Variants in WDR7 observed in about 807,000 individuals in gnomAD.
The protein encoded by WDR7 is WD repeat-containing protein 7.
In WDR7, 46 loss-of-function variants were observed where a neutral mutation model predicts 169.4. The observed-to-expected ratio is 0.27, with a 90% CI of 0.21 to 0.35. The LOEUF is 0.35. Ranked by LOEUF, WDR7 falls within the 10% of genes least tolerant of loss-of-function variation. The probability of loss-of-function intolerance (pLI) is 1.00; values close to 1 mark genes in which losing one functional copy is unlikely to be tolerated. For synonymous variants in WDR7, 612 were observed against 666.8 expected (o/e 0.92, Z 1.27); for missense variants, 1,534 against 1,859.3 (o/e 0.83, Z 3.22).
chr18:56,729,482 T>A (rs1054665316), intron 13 of WDR7, among the ~76,000 whole-genome samples: 3 of 152,126 alleles, frequency 2.0e-5, no homozygotes, highest in African/African-American at 7.2e-5. Context: ...CTTTATACTA[T>A]GAATACTCTT....
rs144720449 is a variant in WDR7 at position 56,816,264 on chromosome 18, G to A, written c.3304+120G>A. ...GAAAGGATGGAAACTTGTACTGATGGTGTATTTAGTTTTATGAAACTGTTC... is the reference window on the plus strand; with the variant it reads ...GAAAGGATGGAAACTTGTACTGATGATGTATTTAGTTTTATGAAACTGTTC... On this transcript the variant is annotated intron_variant, in intron 20 of 27. Transcript: ENST00000254442. 4.2e-4 allele frequency: 327 copies of A among 786,812 alleles called. 1 individual carries two copies. The African/African-American group carries it at 4.7e-3, about 11-fold the overall frequency. 48.7% of individuals were successfully genotyped at this position (786,812 alleles called of 1,614,324 possible).
chr18:56,770,159 TG>T (rs2044131008), intron 16 of WDR7, among the ~76,000 whole-genome samples: 1 of 152,226 alleles, frequency 6.6e-6, no homozygotes, highest in Non-Finnish European at 1.5e-5. Flanking sequence ...GACAAATCTC[TG>T]CCCTCAAGGT....
At chr18:56,731,017 T>G (rs938678049) in intron 13 of WDR7, among the ~76,000 whole-genome samples, 7 of 152,212 alleles carry the variant, frequency 4.6e-5, no homozygotes, top group African/African-American at 1.7e-4. Context: ...AAGATTGATA[T>G]ACAACTTAGA....
intron 14 of WDR7, among the ~76,000 whole-genome samples, chr18:56,735,650 G>A (rs776345326): frequency 1.3e-5 from 2 of 152,088 alleles, no homozygotes; most frequent in African/African-American, 4.8e-5. Context: ...AGCAACTGAT[G>A]CACCTAAAGA....
chr18:56,987,657 G>A (rs1043587410), intron 26 of WDR7, among the ~76,000 whole-genome samples: 1 of 152,048 alleles, frequency 6.6e-6, no homozygotes, highest in Non-Finnish European at 1.5e-5. Context: ...AAAGCATTTT[G>A]GTGCTATGAT....
At chr18:56,813,983 G>C (rs187841732) in intron 19 of WDR7, among the ~76,000 whole-genome samples, 1 of 152,266 alleles carries the variant, frequency 6.6e-6, no homozygotes, top group East Asian at 1.9e-4. Flanking sequence ...TGATTCTGTG[G>C]TTTCTCAAGG....
intron 19 of WDR7, among the ~76,000 whole-genome samples, chr18:56,797,548 A>G (rs923909596): frequency 6.6e-6 from 1 of 150,420 alleles, no homozygotes; most frequent in Non-Finnish European, 1.5e-5. Context: ...TAAAACAGGT[A>G]TAAATAGGAT....
chr18:56,805,542 G>A (rs1306777287), intron 19 of WDR7, among the ~76,000 whole-genome samples: 1 of 152,088 alleles, frequency 6.6e-6, no homozygotes, highest in African/African-American at 2.4e-5. Context: ...GATTATGATT[G>A]ACACTACATT....
chr18:57,006,838 G>T (rs920290222), intron 26 of WDR7, among the ~76,000 whole-genome samples: 5 of 152,026 alleles, frequency 3.3e-5, no homozygotes, highest in Admixed American at 2.6e-4. Flanking sequence ...TCATTAATTT[G>T]GTTAATTTTT....
At chr18:56,805,843 CCT>C (rs992387265) in intron 19 of WDR7, among the ~76,000 whole-genome samples, 33 of 152,062 alleles carry the variant, frequency 2.2e-4, no homozygotes, top group African/African-American at 7.5e-4. Context: ...CTGTTAGTAC[CCT>C]GTTTCTCATT....
intron 21 of WDR7, among the ~76,000 whole-genome samples, chr18:56,886,960 C>A (rs897448580): frequency 2.0e-5 from 3 of 152,084 alleles, no homozygotes; most frequent in African/African-American, 7.2e-5. Context: ...AACACTGGAG[C>A]TCCCAAATTT....
chr18:56,776,765 C>T lies in WDR7; in HGVS notation c.2849-17C>T. Reference sequence around the variant, plus strand: ...TTCAATTCTCTCCTCTTTACTTCTTCTCTTTTCCTCTGCAAGTTGCTGCAC... The same window carrying T: ...TTCAATTCTCTCCTCTTTACTTCTTTTCTTTTCCTCTGCAAGTTGCTGCAC... On this transcript the variant is annotated splice_polypyrimidine_tract_variant and intron_variant, in intron 16 of 27. Transcript: ENST00000254442. 1.9e-6 allele frequency: 3 copies of T among 1,610,848 alleles called. No homozygotes were observed. The highest frequency in any genetic ancestry group is 2.5e-6 in the Non-Finnish European group (3 of 1,177,200).
At chr18:56,829,402 C>T (rs2045270804) in intron 20 of WDR7, among the ~76,000 whole-genome samples, 1 of 152,028 alleles carries the variant, frequency 6.6e-6, no homozygotes, top group South Asian at 2.1e-4. Flanking sequence ...GCTGCAAAGT[C>T]CAGCACCCCC....
At chr18:56,905,989 A>G (rs1389967095) in intron 21 of WDR7, among the ~76,000 whole-genome samples, 1 of 152,220 alleles carries the variant, frequency 6.6e-6, no homozygotes, top group Non-Finnish European at 1.5e-5. Context: ...CTTCTTTATA[A>G]CAATATTGTA....
intron 25 of WDR7, among the ~76,000 whole-genome samples, chr18:56,944,430 A>G (rs982420335): frequency 6.6e-6 from 1 of 152,182 alleles, no homozygotes; most frequent in Non-Finnish European, 1.5e-5. Context: ...CCATTTTATT[A>G]AAGTCCCGTT....
chr18:56,779,660 A>G lies in WDR7; in HGVS notation c.3066+111A>G, dbSNP rs996876899. 7.6e-6 allele frequency: 6 copies of G among 791,566 alleles called. No homozygotes were observed. The African/African-American group carries it at 8.8e-5, about 12-fold the overall frequency. 49.0% of individuals were successfully genotyped at this position (791,566 alleles called of 1,614,324 possible). On this transcript the variant is annotated intron_variant, in intron 18 of 27. Coordinates refer to ENST00000254442, the MANE Select transcript of WDR7 (RefSeq NM_015285.3). Reference sequence around the variant, plus strand: ...TTATCTGATTTATCATCTGTTCATTATGTGATAGAAAATGTGGATTCATGA... The same window carrying G: ...TTATCTGATTTATCATCTGTTCATTGTGTGATAGAAAATGTGGATTCATGA...
At chr18:56,964,992 T>G (rs2047387643) in intron 26 of WDR7, among the ~76,000 whole-genome samples, 1 of 152,196 alleles carries the variant, frequency 6.6e-6, no homozygotes, top group African/African-American at 2.4e-5. Context: ...TGAAACAAGA[T>G]TCATAGTATG....
At chr18:56,668,364 T>C (rs1437931661) in intron 1 of WDR7, among the ~76,000 whole-genome samples, 1 of 152,232 alleles carries the variant, frequency 6.6e-6, no homozygotes, top group Non-Finnish European at 1.5e-5. Context: ...GGTTAATTCC[T>C]ACTCATTCTA....
chr18:56,746,976 A>G (rs2469457), intron 14 of WDR7, among the ~76,000 whole-genome samples: 14,731 of 152,244 alleles, frequency 0.097, 871 homozygotes, highest in Non-Finnish European at 0.14. Context: ...CCACTGCTCT[A>G]TATCAGACAA....
Sources: allele counts gnomAD v4.1 joint callset (sites outside exome capture counted in the v4.1 genomes callset), GRCh38; gene constraint gnomAD v4.1.1; transcripts MANE v1.5; gene names NCBI Gene and HGNC (gene_info 2026-07-23, HGNC 2026-07-21).